NTM: variants seen among roughly 807,000 people sequenced by gnomAD.
The protein encoded by NTM is IgLON family member 2.
A neutral mutation model predicts 42.1 loss-of-function variants in NTM; 13 were observed. The ratio of observed to expected loss-of-function variants is 0.31; its 90% CI spans 0.20 to 0.49. The LOEUF (loss-of-function observed/expected upper bound fraction) is 0.49, where lower values mean the gene tolerates loss of function less well. NTM is among the 20% of genes least tolerant of loss of function. The pLI, the probability that NTM is intolerant of heterozygous loss-of-function variation, is 0.99. For missense variants in NTM, 373 were observed against 452.8 expected, an observed-to-expected ratio of 0.82 and a Z score of 1.60; for synonymous variants, 187 against 179.2, an observed-to-expected ratio of 1.04 and a Z score of -0.35.
rs2086277313 is a variant in NTM at position 132,226,354 on chromosome 11, C to CTAG, written c.526+14207_526+14208insTAG. ...CAGTGTAAATGTTCCTATTTCTCCA[C>CTAG]ATCCTCTCTAGCATCTGTTGTTTCC... On this transcript the variant is annotated intron_variant, in intron 4 of 8. Transcript: ENST00000683400. 2.6e-5 allele frequency among the ~76,000 whole-genome samples: 4 copies of CTAG among 152,212 alleles called. No individual in the cohort carries two copies. In the South Asian group the frequency reaches 6.2e-4, roughly 24 times the overall value.
chr11:131,950,347 G>A (rs948886040), intron 2 of NTM, among the ~76,000 whole-genome samples: 3 of 152,108 alleles, frequency 2.0e-5, no homozygotes, highest in African/African-American at 7.2e-5. Context: ...TGGTTTTCTG[G>A]GCATCCAGCA....
intron 2 of NTM, among the ~76,000 whole-genome samples, chr11:132,126,221 C>T (rs1304867579): frequency 6.6e-6 from 1 of 152,094 alleles, no homozygotes; most frequent in Non-Finnish European, 1.5e-5. Flanking sequence ...CACACAAGAA[C>T]GCTGTGAACA....
At chr11:131,435,777 T>C (rs1949074980) in intron 1 of NTM, among the ~76,000 whole-genome samples, 1 of 152,234 alleles carries the variant, frequency 6.6e-6, no homozygotes, top group Non-Finnish European at 1.5e-5. Context: ...ATACCCTTTA[T>C]TTCTTTCTCT....
chr11:131,986,183 T>C (rs1331287243), intron 2 of NTM, among the ~76,000 whole-genome samples: 2 of 152,226 alleles, frequency 1.3e-5, no homozygotes, highest in African/African-American at 4.8e-5. Flanking sequence ...AGTTTCAAAG[T>C]TGAAACATCA....
rs35551724 is a variant in NTM, at chr11:132,001,776, G to GCACACACA, written c.167+90145_167+90152dup. Among the ~76,000 whole-genome samples the GCACACACA allele has an allele frequency of 4.5e-3, 670 of 147,340 alleles. 8 individuals carry two copies. Among genetic ancestry groups the GCACACACA allele is most frequent in the African/African-American group, 0.016 (626 of 39,624 alleles). On this transcript the variant is annotated intron_variant, in intron 2 of 8. Transcript: ENST00000683400. The stretch of plus-strand genomic sequence containing the variant: ...ATATCATGCATATACACACAGACAG[G>GCACACACA]CACACACACACACACACACACACAT...
At chr11:131,603,868 A>G (rs2060695881) in intron 1 of NTM, among the ~76,000 whole-genome samples, 1 of 152,044 alleles carries the variant, frequency 6.6e-6, no homozygotes, top group African/African-American at 2.4e-5. Context: ...TTCATACCCC[A>G]TTTCTTTTTA....
intron 1 of NTM, among the ~76,000 whole-genome samples, chr11:131,575,359 C>T (rs965452095): frequency 3.3e-5 from 5 of 152,120 alleles, no homozygotes; most frequent in African/African-American, 9.7e-5. Flanking sequence ...TGTCTTTGGG[C>T]CTATATATTT....
Position 131,465,696 on chromosome 11 carries a change from T to A in NTM, c.82+94808T>A, listed in dbSNP as rs115670762. 8.0e-3 allele frequency among the ~76,000 whole-genome samples: 1,225 copies of A among 152,332 alleles called. 17 individuals carry two copies. Among genetic ancestry groups the A allele is most frequent in the African/African-American group, 0.028 (1,171 of 41,578 alleles). ...AATTCCACAGCGAACAGTCTTTTCT[T>A]TTGTCAGAATTCCAAATTGGGCCAT... On this transcript the variant is annotated intron_variant, in intron 1 of 8. Coordinates refer to ENST00000683400, the MANE Select transcript of NTM (RefSeq NM_001352005.2).
chr11:131,835,561 G>A (rs1440273178), intron 1 of NTM, among the ~76,000 whole-genome samples: 1 of 151,924 alleles, frequency 6.6e-6, no homozygotes, highest in African/African-American at 2.4e-5. Flanking sequence ...CCATCAGAAT[G>A]GGTAACATTA....
chr11:131,575,642 A>G (rs1364580821), intron 1 of NTM, among the ~76,000 whole-genome samples: 1 of 152,038 alleles, frequency 6.6e-6, no homozygotes, highest in Non-Finnish European at 1.5e-5. Context: ...TTCTACTTTC[A>G]CTCTATTTCC....
rs777584579 is a variant in NTM, at chr11:132,286,849, T to C, written c.527-20840T>C. 5.9e-5 allele frequency among the ~76,000 whole-genome samples: 9 copies of C among 152,298 alleles called. No individual in the cohort carries two copies. In the South Asian group the frequency reaches 6.2e-4, roughly 11 times the overall value. The stretch of plus-strand genomic sequence containing the variant: ...GCATCAGACTTAGGAAGCTCCGCCA[T>C]CTGTTCGCAGGATCCCTGAGAACCC... On this transcript the variant is annotated intron_variant, in intron 4 of 8. Coordinates refer to ENST00000683400, the MANE Select transcript of NTM (RefSeq NM_001352005.2).
At chr11:131,798,914 C>T (rs1290953286) in intron 1 of NTM, among the ~76,000 whole-genome samples, 6 of 152,096 alleles carry the variant, frequency 3.9e-5, no homozygotes, top group South Asian at 2.1e-4. Flanking sequence ...CCTATTCGAT[C>T]GCTATGGTCC....
chr11:131,707,709 T>G (rs1030822207), intron 1 of NTM, among the ~76,000 whole-genome samples: 1 of 152,164 alleles, frequency 6.6e-6, no homozygotes, highest in Non-Finnish European at 1.5e-5. Context: ...CATTTGCTTT[T>G]GACAAAATTC....
At chr11:131,973,190 G>GA (rs1408797082) in intron 2 of NTM, among the ~76,000 whole-genome samples, 13 of 152,138 alleles carry the variant, frequency 8.5e-5, no homozygotes, top group African/African-American at 2.9e-4. Context: ...AAGTGAAGTG[G>GA]AAAAAACACA....
chr11:131,782,509 C>T (rs2088353733), intron 1 of NTM, among the ~76,000 whole-genome samples: 1 of 151,784 alleles, frequency 6.6e-6, no homozygotes, highest in South Asian at 2.1e-4. Flanking sequence ...TTTATGAGGC[C>T]ATTATTACAC....
At chr11:131,647,771 C>T (rs556461126) in intron 1 of NTM, among the ~76,000 whole-genome samples, 2 of 152,160 alleles carry the variant, frequency 1.3e-5, no homozygotes, top group South Asian at 2.1e-4. Context: ...CAGGATTTTT[C>T]AGGGACCCAA....
intron 1 of NTM, among the ~76,000 whole-genome samples, chr11:131,812,058 C>G (rs1436366855): frequency 6.6e-6 from 1 of 152,138 alleles, no homozygotes; most frequent in African/African-American, 2.4e-5. Flanking sequence ...TAACAACCAC[C>G]CAGTGCGTGT....
intron 1 of NTM, among the ~76,000 whole-genome samples, chr11:131,390,945 C>T (rs1337121112): frequency 1.3e-5 from 2 of 152,092 alleles, no homozygotes; most frequent in Non-Finnish European, 2.9e-5. Context: ...ACTCAGGGTT[C>T]GTATGTGGGC....
intron 1 of NTM, among the ~76,000 whole-genome samples, chr11:131,612,664 A>T (rs879330799): frequency 7.9e-5 from 12 of 152,220 alleles, no homozygotes; most frequent in Non-Finnish European, 1.8e-4. Context: ...TTGTTACCTC[A>T]CATGTTTATC....
Sources: allele counts gnomAD v4.1 joint callset (sites outside exome capture counted in the v4.1 genomes callset), GRCh38; gene constraint gnomAD v4.1.1; transcripts MANE v1.5; gene names NCBI Gene and HGNC (gene_info 2026-07-23, HGNC 2026-07-21).